BRD10: variants seen among roughly 807,000 people sequenced by gnomAD.
BRD10 encodes bromodomain containing 10, also known as uncharacterized bromodomain-containing protein 10.
chr9:5,922,521 T>G, the BRD10 span: 5 of 1,614,010 alleles, frequency 3.1e-6, no homozygotes, highest in Middle Eastern at 1.6e-4. Flanking sequence ...GTAGAAACAG[T>G]TCCTGGTGAG....
the BRD10 span, among the ~76,000 whole-genome samples, chr9:6,001,029 G>C: frequency 6.6e-6 from 1 of 152,122 alleles, no homozygotes; most frequent in Non-Finnish European, 1.5e-5. Flanking sequence ...ATCTTCAAAT[G>C]AATGCCTCCT....
the BRD10 span, among the ~76,000 whole-genome samples, chr9:5,932,861 A>T: frequency 6.6e-6 from 1 of 152,224 alleles, no homozygotes; most frequent in Non-Finnish European, 1.5e-5. Context: ...ACATGTAGGT[A>T]TCTCTGTATT....
the BRD10 span, among the ~76,000 whole-genome samples, chr9:5,916,215 T>C: frequency 6.6e-5 from 10 of 152,346 alleles, no homozygotes; most frequent in South Asian, 2.1e-3. Context: ...TTATCATTTC[T>C]AAGTTTTAGT....
At chr9:5,900,880 C>T in the BRD10 span, among the ~76,000 whole-genome samples, 1 of 151,646 alleles carries the variant, frequency 6.6e-6, no homozygotes, top group African/African-American at 2.4e-5. Flanking sequence ...TGGAGAATTT[C>T]ATGGCCCTTG....
the BRD10 span, among the ~76,000 whole-genome samples, chr9:5,894,012 G>T: frequency 6.6e-6 from 1 of 151,742 alleles, no homozygotes; most frequent in Non-Finnish European, 1.5e-5. The surrounding 1 kb of genome is among the most constrained non-coding windows in gnomAD (Gnocchi z 4.0). Flanking sequence ...ACATGGTGGC[G>T]CTGGGATTTA....
the BRD10 span, among the ~76,000 whole-genome samples, chr9:5,978,027 C>T: frequency 1.1e-3 from 160 of 152,232 alleles, no homozygotes; most frequent in Middle Eastern, 3.4e-3. Flanking sequence ...AAAAGGCTGC[C>T]TAAGGATATT....
the BRD10 span, among the ~76,000 whole-genome samples, chr9:5,979,580 T>G: frequency 6.6e-6 from 1 of 152,032 alleles, no homozygotes; most frequent in African/African-American, 2.4e-5. Flanking sequence ...AAAGGAACAA[T>G]GAACAGATCT....
the BRD10 span, among the ~76,000 whole-genome samples, chr9:5,954,896 T>C: frequency 6.6e-6 from 1 of 152,100 alleles, no homozygotes; most frequent in African/African-American, 2.4e-5. Flanking sequence ...GAGACCAGCC[T>C]AGTTAACAGG....
At chr9:5,919,767 C>A in the BRD10 span, 2 of 1,613,616 alleles carry the variant, frequency 1.2e-6, no homozygotes, top group Non-Finnish European at 1.7e-6. Flanking sequence ...CTGGCAGATA[C>A]AACAATCTGA....
the BRD10 span, among the ~76,000 whole-genome samples, chr9:5,907,877 C>T: frequency 4.6e-5 from 7 of 152,146 alleles, no homozygotes; most frequent in African/African-American, 7.2e-5. Context: ...CACTTGAACC[C>T]GGGAGGTGGA....
At chr9:5,979,979 C>T in the BRD10 span, among the ~76,000 whole-genome samples, 1 of 133,380 alleles carries the variant, frequency 7.5e-6, no homozygotes, top group South Asian at 2.3e-4. Flanking sequence ...TGCACCACTG[C>T]ACTACAGCCT....
the BRD10 span, among the ~76,000 whole-genome samples, chr9:5,880,134 T>A: frequency 6.7e-6 from 1 of 148,830 alleles, no homozygotes; most frequent in African/African-American, 2.5e-5. Flanking sequence ...TTGGCCAGGC[T>A]GGTCTCACTC....
At chr9:5,971,342 T>C in the BRD10 span, among the ~76,000 whole-genome samples, 10 of 152,176 alleles carry the variant, frequency 6.6e-5, no homozygotes, top group Non-Finnish European at 1.3e-4. Context: ...AACGTTACTA[T>C]GTGATCTAGC....
the BRD10 span, among the ~76,000 whole-genome samples, chr9:5,907,345 T>C: frequency 4.6e-5 from 7 of 152,188 alleles, no homozygotes; most frequent in African/African-American, 1.7e-4. Context: ...GCCTTTTTAA[T>C]GGATGCAGAT....
the BRD10 span, among the ~76,000 whole-genome samples, chr9:5,973,688 A>G: frequency 6.6e-6 from 1 of 152,134 alleles, no homozygotes; most frequent in Admixed American, 6.5e-5. Context: ...CAGGACTTCA[A>G]GATCAGACTA....
chr9:5,933,638 A>G, the BRD10 span: 2 of 375,216 alleles, frequency 5.3e-6, no homozygotes, highest in Non-Finnish European at 1.1e-5. Flanking sequence ...TAACAGATTA[A>G]TAACTTAAGG....
At chr9:5,982,486 T>A in the BRD10 span, among the ~76,000 whole-genome samples, 2 of 152,102 alleles carry the variant, frequency 1.3e-5, no homozygotes, top group Non-Finnish European at 2.9e-5. Context: ...ATGAGTGGAT[T>A]AATGAGGTAT....
the BRD10 span, among the ~76,000 whole-genome samples, chr9:5,936,392 C>T: frequency 6.6e-6 from 1 of 152,138 alleles, no homozygotes; most frequent in Non-Finnish European, 1.5e-5. Context: ...GTGTTTCATG[C>T]TGTCAGTAAA....
At chr9:5,936,249 G>A in the BRD10 span, among the ~76,000 whole-genome samples, 1 of 152,124 alleles carries the variant, frequency 6.6e-6, no homozygotes, top group Non-Finnish European at 1.5e-5. Context: ...CCAGCTACTG[G>A]GGAGGCTGAG....
Sources: gnomAD v4.1 joint callset for allele counts (sites outside exome capture counted in the v4.1 genomes callset) on GRCh38, gnomAD v4.1.1 for gene constraint, Gnocchi (gnomAD v3.1) non-coding constraint, MANE v1.5 for transcripts, NCBI Gene and HGNC (gene_info 2026-07-23, HGNC 2026-07-21) for gene names.